The following GALNTL6 variants were observed in gnomAD, a reference collection of about 807,000 sequenced individuals.
The protein encoded by GALNTL6 is polypeptide N-acetylgalactosaminyltransferase-like 6.
In GALNTL6, 46 loss-of-function variants were observed where a neutral mutation model predicts 73.7. The ratio of observed to expected loss-of-function variants is 0.62; its 90% confidence interval spans 0.49 to 0.80. The LOEUF (loss-of-function observed/expected upper bound fraction) is 0.80. Ranked by LOEUF, GALNTL6 falls within the 30% of genes least tolerant of loss-of-function variation. The pLI is 0.00. For synonymous variants in GALNTL6, 259 were observed against 263.7 expected, an observed-to-expected ratio of 0.98 and a Z score of 0.17; for missense variants, 604 against 755.0, an observed-to-expected ratio of 0.80 and a Z score of 2.34.
At chr4:172,704,209 T>C (rs1734193776) in intron 5 of GALNTL6, among the ~76,000 whole-genome samples, 1 of 151,968 alleles carries the variant, frequency 6.6e-6, no homozygotes, top group Non-Finnish European at 1.5e-5. Context: ...TGCTCTGATC[T>C]TTATTGTTTC....
chr4:171,997,179 A>G (rs908862947), intron 2 of GALNTL6, among the ~76,000 whole-genome samples: 1 of 152,142 alleles, frequency 6.6e-6, no homozygotes, highest in East Asian at 1.9e-4. Context: ...TGACTTTCAG[A>G]GAGTTTGCAA....
intron 2 of GALNTL6, among the ~76,000 whole-genome samples, chr4:171,860,817 G>T (rs960498691): frequency 6.6e-6 from 1 of 152,042 alleles, no homozygotes; most frequent in South Asian, 2.1e-4. Flanking sequence ...AGTCATTTTT[G>T]CCTTAAAGTG....
rs79476195 is a variant in GALNTL6, at chr4:172,984,170, G to A, written c.1372-25008G>A. On this transcript the variant is annotated intron_variant, in intron 10 of 12. Transcript: ENST00000506823. The stretch of plus-strand genomic sequence containing the variant: ...TGTGTCTGTATATGCGTATGTATTC[G>A]TCCGTTCTCAGATTGCTAATACAGA... Among the ~76,000 whole-genome samples, 360 of 149,864 alleles carry A rather than the reference G, an allele frequency of 2.4e-3. 3 individuals carry two copies. Among genetic ancestry groups the A allele is most frequent in the African/African-American group, 8.4e-3 (330 of 39,274 alleles).
intron 2 of GALNTL6, among the ~76,000 whole-genome samples, chr4:172,137,091 G>A (rs903078679): frequency 6.6e-6 from 1 of 152,046 alleles, no homozygotes; most frequent in Non-Finnish European, 1.5e-5. Flanking sequence ...CATTCATAGA[G>A]AGCATTTAGT....
intron 2 of GALNTL6, among the ~76,000 whole-genome samples, chr4:171,896,399 C>T (rs1473008019): frequency 6.6e-6 from 1 of 152,182 alleles, no homozygotes; most frequent in Non-Finnish European, 1.5e-5. Context: ...GCCTAGATTT[C>T]TGTATTTTAT....
chr4:172,807,483 C>G (rs1252083325), intron 5 of GALNTL6, among the ~76,000 whole-genome samples: 1 of 152,174 alleles, frequency 6.6e-6, no homozygotes, highest in African/African-American at 2.4e-5. Context: ...TGGCTTAATA[C>G]ATAAAAGTTT....
intron 2 of GALNTL6, among the ~76,000 whole-genome samples, chr4:171,848,288 C>T (rs1027166564): frequency 6.6e-6 from 1 of 152,130 alleles, no homozygotes; most frequent in Non-Finnish European, 1.5e-5. Context: ...ATGCTATAGA[C>T]AGATGTTCTG....
In GALNTL6 at chr4:172,343,025, T is replaced by A. The variant is rs372509930; in HGVS notation, c.387-5498T>A. On this transcript the variant is annotated intron_variant, in intron 4 of 12. Coordinates refer to ENST00000506823, the MANE Select transcript of GALNTL6 (RefSeq NM_001034845.3). ...GAGCAGAGACCCTCCTTCCAACTAG[T>A]GTTGAACAGGTAAAGGAAGCAAAAA... Among the ~76,000 whole-genome samples the A allele has an allele frequency of 5.3e-5, 8 of 152,288 alleles. No homozygotes were observed. The East Asian group carries it at 1.3e-3, about 26-fold the overall frequency.
At chr4:172,017,441 G>A (rs1245137372) in intron 2 of GALNTL6, among the ~76,000 whole-genome samples, 1 of 152,074 alleles carries the variant, frequency 6.6e-6, no homozygotes, top group Non-Finnish European at 1.5e-5. Flanking sequence ...TTTCCAGAAA[G>A]GCTGTCTATA....
intron 4 of GALNTL6, among the ~76,000 whole-genome samples, chr4:172,314,126 C>A (rs1377041379): frequency 6.6e-6 from 1 of 152,132 alleles, no homozygotes; most frequent in Non-Finnish European, 1.5e-5. Context: ...ATTATAAGAT[C>A]AACTTGTGAC....
At chr4:172,695,550 G>A (rs1025330384) in intron 5 of GALNTL6, among the ~76,000 whole-genome samples, 2 of 152,142 alleles carry the variant, frequency 1.3e-5, no homozygotes, top group Admixed American at 6.5e-5. Flanking sequence ...ATTTGTTAGA[G>A]GCTGATTATT....
intron 5 of GALNTL6, among the ~76,000 whole-genome samples, chr4:172,589,884 T>A (rs1403488968): frequency 1.3e-5 from 2 of 152,116 alleles, no homozygotes; most frequent in East Asian, 3.9e-4. Context: ...TTTGGAAAAT[T>A]TACTACTTCT....
chr4:172,513,207 A>G (rs1217404278), intron 5 of GALNTL6, among the ~76,000 whole-genome samples: 1 of 152,116 alleles, frequency 6.6e-6, no homozygotes, highest in Non-Finnish European at 1.5e-5. Context: ...CTTGTCTTCA[A>G]GCTCTGAAGT....
At chr4:171,841,264 G>T (rs539060837) in intron 2 of GALNTL6, among the ~76,000 whole-genome samples, 5 of 152,114 alleles carry the variant, frequency 3.3e-5, no homozygotes, top group African/African-American at 1.2e-4. Flanking sequence ...ATTAATTAAT[G>T]GTGGATAAAG....
At chr4:172,219,546 A>T (rs1268409473) in intron 2 of GALNTL6, among the ~76,000 whole-genome samples, 2 of 151,874 alleles carry the variant, frequency 1.3e-5, no homozygotes, top group African/African-American at 4.8e-5. Flanking sequence ...TTATTTTCAG[A>T]GTACAGAGTA....
chr4:172,918,565 C>T (rs751082537), intron 8 of GALNTL6, among the ~76,000 whole-genome samples: 1 of 152,100 alleles, frequency 6.6e-6, no homozygotes, highest in Non-Finnish European at 1.5e-5. Flanking sequence ...CACAGACCTG[C>T]ATGTTATCAT....
At chr4:172,374,029 G>A (rs1394586156) in intron 5 of GALNTL6, among the ~76,000 whole-genome samples, 3 of 152,192 alleles carry the variant, frequency 2.0e-5, no homozygotes, top group Non-Finnish European at 4.4e-5. Flanking sequence ...GGATCGTCTG[G>A]CTGGGGGCTT....
chr4:172,051,994 A>AT (rs1730888336), intron 2 of GALNTL6, among the ~76,000 whole-genome samples: 1 of 152,152 alleles, frequency 6.6e-6, no homozygotes, highest in South Asian at 2.1e-4. Flanking sequence ...CAGCACTGTC[A>AT]TACAGCTTAA....
intron 2 of GALNTL6, among the ~76,000 whole-genome samples, chr4:172,034,842 C>G (rs182381356): frequency 7.8e-4 from 119 of 152,144 alleles, no homozygotes; most frequent in African/African-American, 2.7e-3. Flanking sequence ...CAAGAACATG[C>G]TTTCTACACT....
Sources: gnomAD v4.1 joint callset for allele counts (sites outside exome capture counted in the v4.1 genomes callset) on GRCh38, gnomAD v4.1.1 for gene constraint, MANE v1.5 for transcripts, NCBI Gene and HGNC (gene_info 2026-07-23, HGNC 2026-07-21) for gene names.